Variants in LAMA1 observed in about 807,000 individuals in gnomAD.
LAMA1 encodes laminin subunit alpha-1.
Under a neutral mutation model 348.7 loss-of-function variants are expected in LAMA1, and 219 were observed. The observed-to-expected ratio is 0.63, with a 90% confidence interval of 0.56 to 0.70. The LOEUF (loss-of-function observed/expected upper bound fraction) is 0.70, where lower values mean the gene tolerates loss of function less well. Ranked by LOEUF, LAMA1 falls within the 30% of genes least tolerant of loss-of-function variation. LAMA1 has a pLI of 0.00. For missense variants in LAMA1, 3,744 were observed against 3,888.0 expected (o/e 0.96, Z 0.99); for synonymous variants, 1,487 against 1,491.0 (o/e 1.00, Z 0.06).
chr18:7,006,640 A>G (rs985392431), intron 29 of LAMA1, among the ~76,000 whole-genome samples: 5 of 152,148 alleles, frequency 3.3e-5, no homozygotes, highest in Non-Finnish European at 7.3e-5. Context: ...GTGCACTTAT[A>G]CAAACCTAGA....
intron 36 of LAMA1, among the ~76,000 whole-genome samples, chr18:6,988,891 A>T (rs1391698375): frequency 4.1e-5 from 6 of 146,160 alleles, no homozygotes; most frequent in Non-Finnish European, 4.5e-5. Context: ...ACAAACAATA[A>T]TCCGAAGTGT....
Position 6,966,233 on chromosome 18 carries a change from G to C in LAMA1, c.6964C>G (p.Leu2322Val). The C allele has an allele frequency of 6.2e-7, 1 of 1,614,060 alleles. No individual in the cohort carries two copies. The highest frequency in any genetic ancestry group is 1.3e-5 in the African/African-American group (1 of 75,066). Residue 2322 changes from leucine (L) to valine (V), a missense_variant, in exon 49 of 63, where the codon CTT becomes GTT. Physicochemically the swap from Leu to Val is conservative, Grantham distance 32 (BLOSUM62 1). Coordinates refer to ENST00000389658, the MANE Select transcript of LAMA1 (RefSeq NM_005559.4). ...GSGYSVVEKS[L>V]PATVTQIIML... ...ATTATCTGGGTCACGGTAGCCGGAA[G>C]TGACTTCTCCACGACAGAGTACCCA...
At chr18:6,959,779 A>G (rs1653827817) in intron 53 of LAMA1, 1 of 369,642 alleles carries the variant, frequency 2.7e-6, no homozygotes, top group East Asian at 6.1e-5. Context: ...CAATAAGTAG[A>G]TATATTGTAA....
chr18:7,048,325 T>C (rs1034679427), intron 5 of LAMA1, among the ~76,000 whole-genome samples: 2 of 152,134 alleles, frequency 1.3e-5, no homozygotes, highest in African/African-American at 4.8e-5. Context: ...GGCATAAAAA[T>C]GACTGATAGC....
chr18:6,995,573 T>TA lies in LAMA1; in HGVS notation c.4807-128dup, dbSNP rs200746080. 2.3e-3 allele frequency: 1,508 copies of TA among 658,628 alleles called. 8 individuals are homozygous for TA. The highest frequency in any genetic ancestry group is 0.022 in the African/African-American group (1,217 of 54,524). The allele number at this position is 658,628 out of a possible 1,614,324, so 40.8% of individuals were successfully genotyped here. ...TCTTCTTTCCTTGGAACTGTCATTT[T>TA]AAAAAAAAATGGATCACATTTACTT... On this transcript the variant is annotated intron_variant, in intron 33 of 62. Coordinates refer to ENST00000389658, the MANE Select transcript of LAMA1 (RefSeq NM_005559.4).
At chr18:7,091,806 A>G (rs28429562) in intron 1 of LAMA1, among the ~76,000 whole-genome samples, 27,318 of 152,148 alleles carry the variant, frequency 0.18, 7,596 homozygotes, top group African/African-American at 0.6. Context: ...CCTAGTGGTA[A>G]CTGCAATAAG....
chr18:6,963,523 G>C (rs570582667), intron 51 of LAMA1, among the ~76,000 whole-genome samples: 1 of 152,200 alleles, frequency 6.6e-6, no homozygotes, highest in Non-Finnish European at 1.5e-5. Flanking sequence ...AAAGAGAAGG[G>C]GCACAGTGGA....
At chr18:7,098,847 G>T (rs2058277428) in intron 1 of LAMA1, among the ~76,000 whole-genome samples, 1 of 129,382 alleles carries the variant, frequency 7.7e-6, no homozygotes, top group Non-Finnish European at 1.7e-5. Context: ...GGGAGGTGGG[G>T]GGGTCAGCCC....
At chr18:7,101,979 C>G (rs548394326) in intron 1 of LAMA1, among the ~76,000 whole-genome samples, 120 of 152,128 alleles carry the variant, frequency 7.9e-4, no homozygotes, top group African/African-American at 2.8e-3. Context: ...CATCTGGCCC[C>G]TACAACAGTG....
intron 23 of LAMA1, 26 bp from the exon 24 acceptor site, chr18:7,012,164 G>GT (rs1568030331): frequency 6.2e-7 from 1 of 1,612,234 alleles, no homozygotes; most frequent in East Asian, 2.2e-5. Flanking sequence ...TAAAGGACTC[G>GT]TTTTTGCCTA....
chr18:7,000,235 T>A (rs1568025207), intron 30 of LAMA1, among the ~76,000 whole-genome samples: 1 of 152,142 alleles, frequency 6.6e-6, no homozygotes, highest in South Asian at 2.1e-4. Context: ...GACAATCATG[T>A]GAATGTTAAG....
chr18:7,058,418 A>G (rs1283573479), intron 3 of LAMA1, among the ~76,000 whole-genome samples: 7 of 152,144 alleles, frequency 4.6e-5, no homozygotes, highest in Admixed American at 3.3e-4. Context: ...GAAGAACCTA[A>G]ATACAATTTG....
chr18:7,010,749 T>C (rs530906544), intron 25 of LAMA1, among the ~76,000 whole-genome samples: 5 of 152,342 alleles, frequency 3.3e-5, no homozygotes, highest in Non-Finnish European at 5.9e-5. Flanking sequence ...CAGACTCCAA[T>C]GTTTATATAA....
chr18:7,023,433 A>T, intron 18 of LAMA1, 58 bp from the exon 19 acceptor site: 1 of 1,399,604 alleles, frequency 7.1e-7, no homozygotes. Context: ...GCCTTACCGC[A>T]CTATCCAGGG....
intron 1 of LAMA1, among the ~76,000 whole-genome samples, chr18:7,112,850 G>A (rs1363862391): frequency 6.6e-6 from 1 of 152,038 alleles, no homozygotes; most frequent in East Asian, 1.9e-4. Context: ...GGTCAGTCTG[G>A]TCTTGAACTC....
chr18:7,093,774 CTTT>C (rs34130725), intron 1 of LAMA1, among the ~76,000 whole-genome samples: 83 of 124,580 alleles, frequency 6.7e-4, no homozygotes, highest in African/African-American at 1.3e-3. Context: ...GGTTTCTCAA[CTTT>C]TTTTTTTTTT....
At chr18:7,090,722 G>A (rs1234669354) in intron 1 of LAMA1, among the ~76,000 whole-genome samples, 2 of 151,776 alleles carry the variant, frequency 1.3e-5, no homozygotes, top group African/African-American at 4.8e-5. Context: ...AAGGAAGGGA[G>A]GGAGAGAGGG....
chr18:7,075,070 A>C (rs1355731497), intron 3 of LAMA1, among the ~76,000 whole-genome samples: 1 of 151,146 alleles, frequency 6.6e-6, no homozygotes, highest in Non-Finnish European at 1.5e-5. Flanking sequence ...AGCATTTGCC[A>C]ACACAGAATG....
chr18:7,063,533 G>A (rs11659412), intron 3 of LAMA1, among the ~76,000 whole-genome samples: 53,071 of 151,932 alleles, frequency 0.35, 9,837 homozygotes, highest in South Asian at 0.49. Flanking sequence ...GCAGGGACTC[G>A]AATACACATG....
Sources: allele counts gnomAD v4.1 joint callset (sites outside exome capture counted in the v4.1 genomes callset), GRCh38; gene constraint gnomAD v4.1.1; transcripts MANE v1.5; gene names NCBI Gene and HGNC (gene_info 2026-07-23, HGNC 2026-07-21).